Variants in DLGAP2 observed in about 807,000 individuals in gnomAD.
DLGAP2 encodes disks large-associated protein 2.
Under a neutral mutation model 100.3 loss-of-function variants are expected in DLGAP2, and 26 were observed. The ratio of observed to expected loss-of-function variants is 0.26; its 90% CI spans 0.19 to 0.36. The LOEUF is 0.36. Ranked by LOEUF, DLGAP2 falls within the 10% of genes least tolerant of loss-of-function variation. The pLI, the probability that DLGAP2 is intolerant of heterozygous loss-of-function variation, is 1.00. For missense variants in DLGAP2, 1,858 were observed against 1,453.2 expected (o/e 1.28, Z -4.53); for synonymous variants, 886 against 630.1 (o/e 1.41, Z -6.08).
At chr8:1,625,943 C>T (rs142966373) in intron 6 of DLGAP2, among the ~76,000 whole-genome samples, 2,636 of 151,794 alleles carry the variant, frequency 0.017, 183 homozygotes, top group African/African-American at 0.059. Flanking sequence ...GTGGATTGGA[C>T]GGTCGTTCCC....
At chr8:1,493,533 C>G (rs1310339871) in intron 3 of DLGAP2, among the ~76,000 whole-genome samples, 1 of 152,224 alleles carries the variant, frequency 6.6e-6, no homozygotes, top group East Asian at 1.9e-4. Context: ...GACCCAGAGA[C>G]ACACCTGAAC....
At chr8:1,329,165 T>G (rs912423747) in intron 3 of DLGAP2, among the ~76,000 whole-genome samples, 15 of 152,230 alleles carry the variant, frequency 9.9e-5, no homozygotes, top group Admixed American at 2.0e-4. Context: ...CAGATCAGCC[T>G]GGAGTTCTCA....
chr8:1,701,629 G>C lies in DLGAP2; in HGVS notation c.*223G>C. ...TTGTTGTTGTTGTTGTTGTTCACGGGTGGCCTGGCTCACACTTGGCTCTGA... is the reference window on the plus strand; with the variant it reads ...TTGTTGTTGTTGTTGTTGTTCACGGCTGGCCTGGCTCACACTTGGCTCTGA... On this transcript the variant is annotated 3_prime_UTR_variant, in exon 15 of 15. Coordinates refer to ENST00000637795, the MANE Select transcript of DLGAP2 (RefSeq NM_001346810.2). 2 of 590,146 alleles carry C rather than the reference G, an allele frequency of 3.4e-6. No individual in the cohort carries two copies. The highest frequency in any genetic ancestry group is 5.9e-6 in the Non-Finnish European group (2 of 341,666). The allele number at this position is 590,146 out of a possible 1,614,324, so 36.6% of individuals were successfully genotyped here. A position where few individuals can be genotyped will look rare whatever the true frequency, so the allele number is the denominator to read the frequency against.
At chr8:808,111 T>G (rs1796302672) in intron 1 of DLGAP2, among the ~76,000 whole-genome samples, 1 of 152,218 alleles carries the variant, frequency 6.6e-6, no homozygotes, top group Non-Finnish European at 1.5e-5. Flanking sequence ...ATGGCGGATG[T>G]GACACCTGCC....
At chr8:1,025,011 C>T (rs1563150954) in intron 2 of DLGAP2, among the ~76,000 whole-genome samples, 1 of 152,052 alleles carries the variant, frequency 6.6e-6, no homozygotes, top group Non-Finnish European at 1.5e-5. Context: ...TTCTCTCTCT[C>T]TCTGTGTCTC....
intron 3 of DLGAP2, among the ~76,000 whole-genome samples, chr8:1,379,955 G>A (rs1230885089): frequency 1.3e-5 from 2 of 151,206 alleles, no homozygotes; most frequent in Non-Finnish European, 2.9e-5. Flanking sequence ...CCTCCTGCTC[G>A]GTGGGGGCCT....
intron 3 of DLGAP2, among the ~76,000 whole-genome samples, chr8:1,321,861 C>A (rs1800909110): frequency 6.6e-6 from 1 of 152,176 alleles, no homozygotes; most frequent in South Asian, 2.1e-4. Context: ...TTCTTTGTTT[C>A]CAATTAGTGG....
chr8:1,280,042 G>A (rs1799784618), intron 3 of DLGAP2, among the ~76,000 whole-genome samples: 1 of 152,228 alleles, frequency 6.6e-6, no homozygotes, highest in Admixed American at 6.5e-5. Flanking sequence ...TCAGTAACTT[G>A]CTGACATGCA....
At chr8:1,312,234 G>A (rs7830580) in intron 3 of DLGAP2, among the ~76,000 whole-genome samples, 1 of 152,006 alleles carries the variant, frequency 6.6e-6, no homozygotes, top group African/African-American at 2.4e-5. Context: ...AAAACACAGG[G>A]TCTAGAATTT....
intron 2 of DLGAP2, among the ~76,000 whole-genome samples, chr8:1,044,422 G>A (rs12681230): frequency 0.38 from 57,052 of 152,112 alleles, 10,912 homozygotes; most frequent in Admixed American, 0.46. Flanking sequence ...ACAGGCTGGA[G>A]GGCCACAGAC....
At chr8:1,504,491 G>A (rs767372002) in intron 4 of DLGAP2, among the ~76,000 whole-genome samples, 12 of 152,192 alleles carry the variant, frequency 7.9e-5, no homozygotes, top group Admixed American at 2.0e-4. Context: ...CATAGACCTC[G>A]TCACTTACTC....
intron 6 of DLGAP2, among the ~76,000 whole-genome samples, chr8:1,583,591 A>G (rs896494541): frequency 6.6e-5 from 10 of 152,198 alleles, no homozygotes; most frequent in Non-Finnish European, 1.2e-4. Flanking sequence ...TAGAAAGATG[A>G]AAGACCCTTC....
intron 1 of DLGAP2, among the ~76,000 whole-genome samples, chr8:796,495 G>C (rs1235790060): frequency 6.6e-6 from 1 of 152,186 alleles, no homozygotes; most frequent in Non-Finnish European, 1.5e-5. Context: ...GAGGGGCAGA[G>C]GGTGTGGCCT....
intron 8 of DLGAP2, among the ~76,000 whole-genome samples, chr8:1,646,242 C>G (rs1198574346): frequency 6.6e-6 from 1 of 152,162 alleles, no homozygotes; most frequent in Non-Finnish European, 1.5e-5. Flanking sequence ...TTCCTCCTGC[C>G]TTTGAACTGC....
chr8:1,045,037 C>G (rs1039928891), intron 2 of DLGAP2, among the ~76,000 whole-genome samples: 1 of 152,192 alleles, frequency 6.6e-6, no homozygotes, highest in Non-Finnish European at 1.5e-5. Context: ...GATAAGTGAG[C>G]AGAGAGAACC....
intron 8 of DLGAP2, among the ~76,000 whole-genome samples, chr8:1,651,599 C>T (rs1176189882): frequency 1.3e-5 from 2 of 152,172 alleles, no homozygotes; most frequent in Non-Finnish European, 2.9e-5. Flanking sequence ...CATGACCACC[C>T]CACTCCTGCC....
intron 2 of DLGAP2, among the ~76,000 whole-genome samples, chr8:1,209,875 T>TA (rs1409149895): frequency 6.6e-6 from 1 of 152,184 alleles, no homozygotes; most frequent in Non-Finnish European, 1.5e-5. Context: ...AGGCATGTCC[T>TA]ACCCCCTCGT....
intron 1 of DLGAP2, among the ~76,000 whole-genome samples, chr8:770,598 C>G (rs992922875): frequency 6.6e-6 from 1 of 152,250 alleles, no homozygotes; most frequent in Admixed American, 6.5e-5. Context: ...GGGCTCCGAA[C>G]AATTTCTAAG....
At chr8:1,451,890 G>A (rs543759698) in intron 3 of DLGAP2, among the ~76,000 whole-genome samples, 100 of 152,298 alleles carry the variant, frequency 6.6e-4, no homozygotes, top group African/African-American at 2.2e-3. Context: ...CAGAGCTCAC[G>A]GGCTCCCACA....
Sources: gnomAD v4.1 joint callset for allele counts (sites outside exome capture counted in the v4.1 genomes callset) on GRCh38, gnomAD v4.1.1 for gene constraint, MANE v1.5 for transcripts, NCBI Gene and HGNC (gene_info 2026-07-23, HGNC 2026-07-21) for gene names.